RELT: variants seen among roughly 807,000 people sequenced by gnomAD.
RELT encodes RELT TNF receptor.
RELT carries 37 observed loss-of-function variants against 51.1 expected under a neutral mutation model. The observed-to-expected ratio is 0.72, with a 90% confidence interval of 0.56 to 0.95. The LOEUF (loss-of-function observed/expected upper bound fraction) is 0.95. Ranked by LOEUF, RELT falls within the 40% of genes least tolerant of loss-of-function variation. RELT has a pLI of 0.00. For missense variants in RELT, 535 were observed against 572.6 expected (o/e 0.93, Z 0.67); for synonymous variants, 241 against 235.7 (o/e 1.02, Z -0.21).
At chr11:73,382,217 G>A (rs537970015) in intron 1 of RELT, among the ~76,000 whole-genome samples, 6 of 152,300 alleles carry the variant, frequency 3.9e-5, no homozygotes, top group South Asian at 2.1e-4. Context: ...ACCTGGGATG[G>A]CCCTGGGGGC....
At chr11:73,390,510 C>A in intron 2 of RELT, 41 bp from the exon 3 acceptor site, 1 of 1,584,084 alleles carries the variant, frequency 6.3e-7, no homozygotes. Context: ...GACCCCACAC[C>A]CAGCACTTTC....
At chr11:73,379,842 G>T (rs1028632193) in intron 1 of RELT, among the ~76,000 whole-genome samples, 1 of 152,240 alleles carries the variant, frequency 6.6e-6, no homozygotes, top group South Asian at 2.1e-4. Context: ...CCTACAAAGT[G>T]TAGTTCAAAC....
In RELT at chr11:73,396,976, A is replaced by T. The variant is rs1866328716; in HGVS notation, c.*1485A>T. The T allele has an allele frequency of 6.6e-6, 1 of 152,242 alleles. No individual in the cohort carries two copies. Among genetic ancestry groups the T allele is most frequent in the Non-Finnish European group, 1.5e-5 (1 of 68,044 alleles). The allele number at this position is 152,242 out of a possible 1,614,324, so 9.4% of individuals were successfully genotyped here. A position where few individuals can be genotyped will look rare whatever the true frequency, so the allele number is the denominator to read the frequency against. ...AGTCTATCCAAAATATTTTCATTTC[A>T]ATATAAAATCAGTATAAAAAGTGTG... is the stretch of plus-strand genomic sequence containing the variant. On this transcript the variant is annotated 3_prime_UTR_variant, in exon 11 of 11. Coordinates refer to ENST00000064780, the MANE Select transcript of RELT (RefSeq NM_152222.2).
intron 1 of RELT, among the ~76,000 whole-genome samples, chr11:73,386,690 C>T (rs375618716): frequency 9.8e-5 from 15 of 152,306 alleles, no homozygotes; most frequent in African/African-American, 3.1e-4. Context: ...CTTTGGACCC[C>T]GCTTTCTTCC....
intron 1 of RELT, among the ~76,000 whole-genome samples, chr11:73,378,141 G>A (rs1368044691): frequency 6.6e-6 from 1 of 152,212 alleles, no homozygotes; most frequent in African/African-American, 2.4e-5. Context: ...TCTTGCTGGA[G>A]AGCTGGAGCG....
At chr11:73,381,008 C>T (rs1866043015) in intron 1 of RELT, among the ~76,000 whole-genome samples, 2 of 152,146 alleles carry the variant, frequency 1.3e-5, no homozygotes, top group African/African-American at 4.8e-5. Flanking sequence ...GCCCGGGAGG[C>T]TGTCACATCC....
chr11:73,382,663 T>TA (rs1355975081), intron 1 of RELT, among the ~76,000 whole-genome samples: 2 of 152,200 alleles, frequency 1.3e-5, no homozygotes, highest in Non-Finnish European at 2.9e-5. Context: ...GTGAAGTTGT[T>TA]ACAGGCTACC....
chr11:73,390,563 C>A lies in RELT; in HGVS notation c.58C>A (p.Pro20Thr). Residue 20 changes from proline (P) to threonine (T), a missense_variant, in exon 3 of 11, where the codon CCT becomes ACT. Pro to Thr is a conservative substitution (Grantham distance 38). Transcript: ENST00000064780. ...ACTGTTCTTCTAGCTGCTGCCCTGG[C>A]CTCTCGCCACCCTGACATCAACAAC... ...LSCFLMLLPW[P>T]LATLTSTTLW... 1.2e-6 allele frequency: 2 copies of A among 1,614,096 alleles called. No homozygotes were observed. Among genetic ancestry groups the A allele is most frequent in the Non-Finnish European group, 1.7e-6 (2 of 1,179,986 alleles).
chr11:73,393,323 C>G (rs1042417249), intron 6 of RELT: 18 of 1,039,874 alleles, frequency 1.7e-5, no homozygotes, highest in Non-Finnish European at 2.1e-5. Context: ...CCTGGGAGCT[C>G]TGTTTGCTGC....
chr11:73,395,473 G>T lies in RELT; in HGVS notation c.1275G>T (p.Glu425Asp), dbSNP rs773298319. ...EENRYVVRLS[E>D]SNLVI Reference sequence around the variant, plus strand: ...ACCGCTATGTGGTCCGGCTAAGTGAGAGCAACCTGGTCATCTGAGGGGCGG... The same window carrying T: ...ACCGCTATGTGGTCCGGCTAAGTGATAGCAACCTGGTCATCTGAGGGGCGG... The change falls in exon 11 of 11, where the codon GAG becomes GAT. Residue 425 changes from glutamate (E) to aspartate (D), a missense_variant. Glu to Asp is a conservative substitution (Grantham distance 45). Transcript: ENST00000064780. 1 of 802,350 alleles carries T rather than the reference G, an allele frequency of 1.2e-6. No individual in the cohort carries two copies. The highest frequency in any genetic ancestry group is 2.3e-6 in the Non-Finnish European group (1 of 437,684). The allele number at this position is 802,350 out of a possible 1,614,324, so 49.7% of individuals were successfully genotyped here.
At chr11:73,377,446 C>G (rs944984924) in intron 1 of RELT, among the ~76,000 whole-genome samples, 7 of 152,062 alleles carry the variant, frequency 4.6e-5, no homozygotes, top group Non-Finnish European at 1.0e-4. Context: ...AGGAGTTCAG[C>G]TTGGTGAGGA....
intron 1 of RELT, among the ~76,000 whole-genome samples, chr11:73,379,899 T>G (rs1257389828): frequency 6.6e-6 from 1 of 152,244 alleles, no homozygotes; most frequent in Non-Finnish European, 1.5e-5. Context: ...TTTCAGAATT[T>G]GCATCTTTAC....
At chr11:73,395,043 C>G (rs28641751) in intron 9 of RELT, 44 bp from the exon 10 acceptor site, 394,896 of 1,531,744 alleles carry the variant, frequency 0.26, 58,240 homozygotes, top group African/African-American at 0.62. Context: ...CTCTGTGCCC[C>G]GGGATCCCCG....
At chr11:73,387,418 C>A (rs1476040932) in intron 1 of RELT, among the ~76,000 whole-genome samples, 4 of 152,168 alleles carry the variant, frequency 2.6e-5, no homozygotes, top group African/African-American at 7.2e-5. Flanking sequence ...GACAAGGGCA[C>A]AGGACACTTT....
At chr11:73,380,635 G>T (rs1590728933) in intron 1 of RELT, among the ~76,000 whole-genome samples, 1 of 152,148 alleles carries the variant, frequency 6.6e-6, no homozygotes, top group South Asian at 2.1e-4. Context: ...GAGGGTCGAG[G>T]GGTTTGTCTG....
At chr11:73,391,315 G>C (rs1866211911) in intron 5 of RELT, 92 bp downstream of exon 5, 3 of 1,138,102 alleles carry the variant, frequency 2.6e-6, no homozygotes, top group Admixed American at 2.2e-5. Flanking sequence ...GTGTTCATGT[G>C]GGGGCAGTGG....
chr11:73,395,208 C>T lies in RELT; in HGVS notation c.1168C>T (p.Pro390Ser), dbSNP rs199654144. Residue 390 changes from proline to serine, a missense_variant, in exon 10 of 11, where the codon CCT (proline) becomes TCT (serine). By Grantham distance (74) the Pro-to-Ser change is moderately conservative (BLOSUM62 -1). Coordinates refer to ENST00000064780, the MANE Select transcript of RELT (RefSeq NM_152222.2). Reference sequence around the variant, plus strand: ...TGACTCCCCACAGCCTGGCCTCCCCCCTGAGCAGCAGGCCCTGCTAGGAAG... The same window carrying T: ...TGACTCCCCACAGCCTGGCCTCCCCTCTGAGCAGCAGGCCCTGCTAGGAAG... ...LPDSPQPGLP[P>S]EQQALLGSGG... 20 of 1,613,346 alleles carry T rather than the reference C, an allele frequency of 1.2e-5. No individual in the cohort carries two copies. The Admixed American group carries it at 2.2e-4, about 17-fold the overall frequency.
Position 73,394,204 on chromosome 11 carries a change from C to A in RELT, c.707-32C>A. 6.4e-7 allele frequency: 1 copy of A among 1,567,736 alleles called. No individual in the cohort carries two copies. Among genetic ancestry groups the A allele is most frequent in the South Asian group, 1.2e-5 (1 of 86,698 alleles). Reference sequence around the variant, plus strand: ...GGGTGGGAGGTGTGTCCCATATGGCCACAGTGAGGGTCTGACTGCAGCTAC... The same window carrying A: ...GGGTGGGAGGTGTGTCCCATATGGCAACAGTGAGGGTCTGACTGCAGCTAC... On this transcript the variant is annotated intron_variant, in intron 7 of 10. Coordinates refer to ENST00000064780, the MANE Select transcript of RELT (RefSeq NM_152222.2). The surrounding 1 kb of genome is among the most constrained non-coding windows in gnomAD (Gnocchi z 4.9).
At position 73,392,490 on chromosome 11, in the gene RELT, G is replaced by T. The variant is rs777834979; in HGVS notation, c.625+22G>T. 8.7e-6 allele frequency: 14 copies of T among 1,605,332 alleles called. No individual in the cohort carries two copies. The Admixed American group carries it at 1.7e-4, about 19-fold the overall frequency. Reference sequence around the variant, plus strand: ...AGTGGTGAGGCCCAGCTGGGGTCCAGGTGGGAAGGACGGGGGCACGAGCCC... The same window carrying T: ...AGTGGTGAGGCCCAGCTGGGGTCCATGTGGGAAGGACGGGGGCACGAGCCC... On this transcript the variant is annotated intron_variant, in intron 6 of 10. Coordinates refer to ENST00000064780, the MANE Select transcript of RELT (RefSeq NM_152222.2).
Sources: gnomAD v4.1 joint callset for allele counts (sites outside exome capture counted in the v4.1 genomes callset) on GRCh38, gnomAD v4.1.1 for gene constraint, Gnocchi (gnomAD v3.1) non-coding constraint, MANE v1.5 for transcripts, NCBI Gene and HGNC (gene_info 2026-07-23, HGNC 2026-07-21) for gene names.